FRMD4A: variants seen among roughly 807,000 people sequenced by gnomAD.
FRMD4A encodes the protein FERM domain containing 4A, also known as FERM domain-containing protein 4A.
Under a neutral mutation model 129.1 loss-of-function variants are expected in FRMD4A, and 29 were observed. The ratio of observed to expected loss-of-function variants is 0.22; its 90% confidence interval spans 0.17 to 0.31. The LOEUF is 0.31. Among genes scored for constraint, FRMD4A ranks in the 10% least tolerant of loss-of-function variants. The probability of loss-of-function intolerance (pLI) is 1.00; values close to 1 mark genes in which losing one functional copy is unlikely to be tolerated. For missense variants in FRMD4A, 1,272 were observed against 1,375.8 expected, an observed-to-expected ratio of 0.92 and a Z score of 1.19; for synonymous variants, 634 against 571.6, an observed-to-expected ratio of 1.11 and a Z score of -1.56.
intron 2 of FRMD4A, among the ~76,000 whole-genome samples, chr10:14,056,207 TTTTTAG>T (rs904249321): frequency 6.6e-6 from 1 of 152,120 alleles, no homozygotes; most frequent in Non-Finnish European, 1.5e-5. Context: ...GGTTTTTGTA[TTTTTAG>T]TAGAGATAGG....
chr10:13,977,302 C>T (rs1588652980), intron 2 of FRMD4A, among the ~76,000 whole-genome samples: 1 of 148,884 alleles, frequency 6.7e-6, no homozygotes, highest in South Asian at 2.1e-4. Context: ...ACATTCCTTT[C>T]CTGCCTTCCA....
At chr10:14,078,648 G>A (rs2131728781) in intron 2 of FRMD4A, among the ~76,000 whole-genome samples, 1 of 152,276 alleles carries the variant, frequency 6.6e-6, no homozygotes, top group African/African-American at 2.4e-5. Context: ...AATTTTATGT[G>A]TTTAGGTCAT....
At chr10:14,185,591 A>C (rs970582677) in intron 2 of FRMD4A, among the ~76,000 whole-genome samples, 5 of 149,864 alleles carry the variant, frequency 3.3e-5, no homozygotes, top group African/African-American at 1.2e-4. Flanking sequence ...TGTAAGAAAG[A>C]GAAACAGGTA....
chr10:14,287,660 C>T (rs1334014462), intron 2 of FRMD4A, among the ~76,000 whole-genome samples: 2 of 152,098 alleles, frequency 1.3e-5, no homozygotes, highest in Non-Finnish European at 2.9e-5. Flanking sequence ...AAATATTTCT[C>T]TTTTCACTAG....
chr10:13,732,651 A>C (rs1193688167), intron 12 of FRMD4A, among the ~76,000 whole-genome samples: 1 of 152,252 alleles, frequency 6.6e-6, no homozygotes, highest in Non-Finnish European at 1.5e-5. Context: ...CTCCAGGTGC[A>C]CAGTGCTGGG....
intron 4 of FRMD4A, among the ~76,000 whole-genome samples, chr10:13,810,381 T>C (rs548033107): frequency 4.6e-5 from 7 of 152,300 alleles, no homozygotes; most frequent in African/African-American, 1.7e-4. Flanking sequence ...TTTATTTCAG[T>C]TTAGACACTG....
At chr10:14,190,810 A>C (rs1404737756) in intron 2 of FRMD4A, among the ~76,000 whole-genome samples, 2 of 152,202 alleles carry the variant, frequency 1.3e-5, no homozygotes, top group African/African-American at 4.8e-5. Context: ...GAAAAGTTTC[A>C]GGGGGTGGAT....
At chr10:13,934,057 A>T (rs2095227276) in intron 2 of FRMD4A, among the ~76,000 whole-genome samples, 4 of 152,232 alleles carry the variant, frequency 2.6e-5, no homozygotes, top group Admixed American at 2.6e-4. Flanking sequence ...AAAAGAAGTG[A>T]TCAGAAAAGC....
At chr10:13,859,539 A>G (rs1326782911) in intron 2 of FRMD4A, among the ~76,000 whole-genome samples, 3 of 152,142 alleles carry the variant, frequency 2.0e-5, no homozygotes, top group Non-Finnish European at 4.4e-5. Context: ...TATATATAAC[A>G]TATTCTCAGG....
Position 13,787,814 on chromosome 10 carries a change from G to A in FRMD4A, c.300-4808C>T, listed in dbSNP as rs143989980. ...TTTTGGCCGGGCATAGTTTTTGGCC[G>A]GGCATGCCTGTAATCCCAGCACTTT... is the stretch of plus-strand genomic sequence containing the variant. On this transcript the variant is annotated intron_variant, in intron 5 of 24. Coordinates refer to ENST00000357447, the MANE Select transcript of FRMD4A (RefSeq NM_018027.5). Among the ~76,000 whole-genome samples, 271 of 151,112 alleles carry A rather than the reference G, an allele frequency of 1.8e-3. 2 individuals are homozygous for A. Among genetic ancestry groups the A allele is most frequent in the African/African-American group, 5.5e-3 (225 of 41,088 alleles).
At chr10:13,697,963 T>C (rs2086388880) in intron 14 of FRMD4A, among the ~76,000 whole-genome samples, 1 of 152,122 alleles carries the variant, frequency 6.6e-6, no homozygotes. Context: ...AGTTACCAAT[T>C]ATAATTGGTG....
chr10:13,917,714 C>A (rs945292774), intron 2 of FRMD4A, among the ~76,000 whole-genome samples: 5 of 152,184 alleles, frequency 3.3e-5, no homozygotes, highest in Admixed American at 2.0e-4. Flanking sequence ...ACAAACCCAA[C>A]AGCTCACCCT....
At chr10:13,699,338 A>G (rs2086582604) in intron 14 of FRMD4A, among the ~76,000 whole-genome samples, 1 of 149,530 alleles carries the variant, frequency 6.7e-6, no homozygotes, top group South Asian at 2.1e-4. Context: ...CGGCTTCCCA[A>G]AGTACTGAGA....
intron 2 of FRMD4A, among the ~76,000 whole-genome samples, chr10:14,136,219 G>A (rs747576335): frequency 1.3e-5 from 2 of 152,116 alleles, no homozygotes; most frequent in Admixed American, 6.5e-5. Context: ...AAGCCAAAGC[G>A]AAAAGTCAGG....
chr10:14,092,279 T>C (rs1055088113), intron 2 of FRMD4A, among the ~76,000 whole-genome samples: 3 of 152,114 alleles, frequency 2.0e-5, no homozygotes, highest in Non-Finnish European at 2.9e-5. Context: ...ATTCTCCTAT[T>C]GAATAAAGGC....
chr10:14,023,003 C>A (rs74557167), intron 2 of FRMD4A, among the ~76,000 whole-genome samples: 2,655 of 152,278 alleles, frequency 0.017, 40 homozygotes, highest in Non-Finnish European at 0.029. Flanking sequence ...CCAAGAGTGA[C>A]TCCACAGCCA....
At chr10:14,136,635 C>A (rs1839549060) in intron 2 of FRMD4A, among the ~76,000 whole-genome samples, 2 of 152,190 alleles carry the variant, frequency 1.3e-5, no homozygotes, top group South Asian at 4.1e-4. Context: ...TGTCTCTTAT[C>A]TACCTATGAC....
intron 6 of FRMD4A, among the ~76,000 whole-genome samples, chr10:13,782,182 C>A (rs1038934436): frequency 1.3e-5 from 2 of 152,056 alleles, no homozygotes; most frequent in Non-Finnish European, 2.9e-5. Flanking sequence ...ACAATAGCGT[C>A]CCTTTGAAAG....
At chr10:14,122,828 T>C (rs373133059) in intron 2 of FRMD4A, among the ~76,000 whole-genome samples, 43 of 152,280 alleles carry the variant, frequency 2.8e-4, no homozygotes, top group African/African-American at 1.0e-3. Flanking sequence ...ATAGCGATGT[T>C]TCAATACATA....
Sources: allele counts gnomAD v4.1 joint callset (sites outside exome capture counted in the v4.1 genomes callset), GRCh38; gene constraint gnomAD v4.1.1; transcripts MANE v1.5; gene names NCBI Gene and HGNC (gene_info 2026-07-23, HGNC 2026-07-21).